SCAI: variants seen among roughly 807,000 people sequenced by gnomAD.
SCAI encodes the protein protein SCAI.
SCAI carries 24 observed loss-of-function variants against 92.2 expected under a neutral mutation model. That is an observed-to-expected ratio of 0.26 (90% CI 0.19 to 0.37). SCAI has a LOEUF of 0.37. SCAI is among the 10% of genes least tolerant of loss of function. SCAI has a pLI of 1.00. For synonymous variants in SCAI, 261 were observed against 258.6 expected (o/e 1.01, Z -0.09); for missense variants, 450 against 736.2 (o/e 0.61, Z 4.50).
At chr9:125,109,344 G>A (rs1010978639) in intron 2 of SCAI, among the ~76,000 whole-genome samples, 1 of 151,562 alleles carries the variant, frequency 6.6e-6, no homozygotes, top group Admixed American at 6.6e-5. Flanking sequence ...AAACACCCAA[G>A]AATTATCAAT....
intron 2 of SCAI, among the ~76,000 whole-genome samples, chr9:125,113,455 C>A (rs1343985185): frequency 6.6e-6 from 1 of 151,692 alleles, no homozygotes; most frequent in Non-Finnish European, 1.5e-5. Flanking sequence ...TGAGGAAATG[C>A]GATGACTAAC....
chr9:125,052,910 C>A (rs1345909191), intron 3 of SCAI, among the ~76,000 whole-genome samples: 2 of 151,204 alleles, frequency 1.3e-5, no homozygotes, highest in Non-Finnish European at 2.9e-5. Flanking sequence ...TGTCTATAAT[C>A]AAAAAGACAG....
At chr9:125,072,908 T>C (rs1834005180) in intron 2 of SCAI, among the ~76,000 whole-genome samples, 1 of 152,100 alleles carries the variant, frequency 6.6e-6, no homozygotes, top group Non-Finnish European at 1.5e-5. Context: ...TGTTTTTATA[T>C]ACCATATTTT....
intron 5 of SCAI, among the ~76,000 whole-genome samples, chr9:125,027,284 G>A (rs937790527): frequency 4.7e-4 from 72 of 152,194 alleles, no homozygotes; most frequent in African/African-American, 1.6e-3. Context: ...TGTCCTCACA[G>A]AACTGAGGAA....
intron 3 of SCAI, among the ~76,000 whole-genome samples, chr9:125,049,110 G>A (rs1204268505): frequency 6.6e-6 from 1 of 151,196 alleles, no homozygotes; most frequent in Non-Finnish European, 1.5e-5. Context: ...ACTTCACTTT[G>A]GGGCACCTCC....
chr9:125,057,157 A>T (rs943341983), intron 2 of SCAI, among the ~76,000 whole-genome samples: 1 of 152,250 alleles, frequency 6.6e-6, no homozygotes, highest in Non-Finnish European at 1.5e-5. Context: ...TCACTGAAAT[A>T]ATGTGATACA....
intron 2 of SCAI, among the ~76,000 whole-genome samples, chr9:125,084,556 G>A (rs948220058): frequency 1.3e-5 from 2 of 152,110 alleles, no homozygotes; most frequent in African/African-American, 4.8e-5. Flanking sequence ...CATCCTGCCT[G>A]GGGCCAAAGC....
chr9:125,000,911 G>A (rs1049256010), intron 12 of SCAI, among the ~76,000 whole-genome samples: 1 of 152,154 alleles, frequency 6.6e-6, no homozygotes, highest in Non-Finnish European at 1.5e-5. Flanking sequence ...AACAGCAACT[G>A]TGGGATGTTC....
chr9:125,014,556 T>A lies in SCAI; in HGVS notation c.861+4243A>T, dbSNP rs536721612. On this transcript the variant is annotated intron_variant, in intron 9 of 17. Transcript: ENST00000336505. ...AGGATACAAACAAATGAAAGAACATTCCATGCTCATGGGTAGGAAGAATCA... is the reference window on the plus strand; with the variant it reads ...AGGATACAAACAAATGAAAGAACATACCATGCTCATGGGTAGGAAGAATCA... 1.1e-4 allele frequency among the ~76,000 whole-genome samples: 16 copies of A among 152,076 alleles called. No individual in the cohort carries two copies. In the South Asian group the frequency reaches 2.5e-3, roughly 24 times the overall value.
At chr9:124,954,161 T>C (rs1831277940) in intron 17 of SCAI, among the ~76,000 whole-genome samples, 1 of 152,242 alleles carries the variant, frequency 6.6e-6, no homozygotes, top group African/African-American at 2.4e-5. Flanking sequence ...GTTTAAATAC[T>C]ACTGTTTCAG....
intron 2 of SCAI, among the ~76,000 whole-genome samples, chr9:125,100,748 A>G (rs1255320241): frequency 6.6e-6 from 1 of 152,190 alleles, no homozygotes; most frequent in Non-Finnish European, 1.5e-5. Flanking sequence ...GCAATTGGAA[A>G]CAGGCTGATC....
chr9:125,058,254 C>T (rs1257329823), intron 2 of SCAI, among the ~76,000 whole-genome samples: 1 of 152,004 alleles, frequency 6.6e-6, no homozygotes, highest in African/African-American at 2.4e-5. Context: ...TGGCTCATGC[C>T]TGTAATCCCA....
At chr9:125,020,064 C>A (rs534899105) in intron 7 of SCAI, among the ~76,000 whole-genome samples, 2 of 122,966 alleles carry the variant, frequency 1.6e-5, no homozygotes, top group South Asian at 2.7e-4. Context: ...CAGAGCGAGA[C>A]CTTGTCTCAA....
At chr9:125,106,867 ATTTTTTT>A in intron 2 of SCAI, among the ~76,000 whole-genome samples, 1 of 135,720 alleles carries the variant, frequency 7.4e-6, no homozygotes, top group Admixed American at 7.4e-5. Context: ...TGCCTGGTTA[ATTTTTTT>A]TTTTTTTTTT....
intron 17 of SCAI, among the ~76,000 whole-genome samples, chr9:124,965,703 AT>A (rs1369846735): frequency 2.6e-5 from 4 of 152,212 alleles, no homozygotes; most frequent in South Asian, 2.1e-4. Flanking sequence ...TACTGGATTA[AT>A]TTATCTTGAA....
chr9:125,044,203 G>C (rs376810575), intron 3 of SCAI, among the ~76,000 whole-genome samples: 1 of 152,092 alleles, frequency 6.6e-6, no homozygotes, highest in Non-Finnish European at 1.5e-5. Flanking sequence ...AGGCGGGCCT[G>C]GGGGGATAAG....
chr9:124,963,757 C>CAA (rs36017738), intron 17 of SCAI, among the ~76,000 whole-genome samples: 2,655 of 49,926 alleles, frequency 0.053, 72 homozygotes, highest in Non-Finnish European at 0.065. Context: ...GAATCTGTCT[C>CAA]AAAAAAAAAA....
intron 10 of SCAI, 114 bp downstream of exon 10, chr9:125,003,346 CTCCATGTCT>C: frequency 1.0e-6 from 1 of 986,916 alleles, no homozygotes; most frequent in Non-Finnish European, 1.6e-6. Flanking sequence ...TGATCTATTT[CTCCATGTCT>C]CATCAAGTGA....
chr9:124,971,840 T>C lies in SCAI; in HGVS notation c.1404A>G (p.Gln468=), dbSNP rs1831665458. ...GAGTGAAGAGGCTACCTCGCTGAGATTGATCTGTAATAACAAACATGTTAT... is the reference window on the plus strand; with the variant it reads ...GAGTGAAGAGGCTACCTCGCTGAGACTGATCTGTAATAACAAACATGTTAT... The part of the protein sequence containing the change: ...PTAYPKALQD[Q]SQRGSLFTLF... Residue 468 remains glutamine (Q), a synonymous_variant, in exon 16 of 18, where the codon CAA becomes CAG. Transcript: ENST00000336505. The C allele has an allele frequency of 1.1e-5, 17 of 1,586,918 alleles. No homozygotes were observed. Among genetic ancestry groups the C allele is most frequent in the Non-Finnish European group, 1.5e-5 (17 of 1,171,380 alleles).
Sources: allele counts gnomAD v4.1 joint callset (sites outside exome capture counted in the v4.1 genomes callset), GRCh38; gene constraint gnomAD v4.1.1; transcripts MANE v1.5; gene names NCBI Gene and HGNC (gene_info 2026-07-23, HGNC 2026-07-21).